Variants in TMX4 observed in about 807,000 individuals in gnomAD.
The protein encoded by TMX4 is thioredoxin related transmembrane protein 4.
TMX4 carries 23 observed loss-of-function variants against 33.3 expected under a neutral mutation model. The ratio of observed to expected loss-of-function variants is 0.69; its 90% confidence interval spans 0.50 to 0.98. The LOEUF (loss-of-function observed/expected upper bound fraction) is 0.98. TMX4 is among the 50% of genes least tolerant of loss of function. The pLI is 0.00. For synonymous variants in TMX4, 164 were observed against 161.5 expected (o/e 1.02, Z -0.12); for missense variants, 399 against 448.9 (o/e 0.89, Z 1.01).
intron 2 of TMX4, among the ~76,000 whole-genome samples, chr20:8,002,571 G>C (rs1379776880): frequency 1.3e-5 from 2 of 152,050 alleles, no homozygotes; most frequent in Non-Finnish European, 2.9e-5. Flanking sequence ...AATGACAGAG[G>C]CATCATTTTA....
intron 4 of TMX4, 102 bp from the exon 5 acceptor site, chr20:7,996,173 A>T: frequency 2.3e-6 from 2 of 860,558 alleles, no homozygotes. Context: ...ACTTCTTGCT[A>T]AATATTGCCC....
At chr20:8,011,052 ACAT>A (rs2050750893) in intron 1 of TMX4, among the ~76,000 whole-genome samples, 1 of 152,094 alleles carries the variant, frequency 6.6e-6, no homozygotes, top group Admixed American at 6.6e-5. Flanking sequence ...TGGGGGGCAA[ACAT>A]CATATTATTC....
At chr20:7,999,706 C>T (rs546277869) in intron 4 of TMX4, 26 bp downstream of exon 4, 6 of 1,604,602 alleles carry the variant, frequency 3.7e-6, no homozygotes, top group East Asian at 2.2e-5. Context: ...TTATTAGTAA[C>T]ACCTTGTCTT....
rs529734009 is a variant in TMX4 at position 7,982,738 on chromosome 20, G to A, written c.680-117C>T. 75 of 1,167,706 alleles carry A rather than the reference G, an allele frequency of 6.4e-5. 2 individuals carry two copies. In the South Asian group the frequency reaches 1.1e-3, roughly 17 times the overall value. 72.3% of individuals were successfully genotyped at this position (1,167,706 alleles called of 1,614,324 possible). ...GGTAAGTGACAGTTTTTTCTATCTTGAAACTATGGTCATATAGGACAGATT... is the reference window on the plus strand; with the variant it reads ...GGTAAGTGACAGTTTTTTCTATCTTAAAACTATGGTCATATAGGACAGATT... On this transcript the variant is annotated intron_variant, in intron 7 of 7. Coordinates refer to ENST00000246024, the MANE Select transcript of TMX4 (RefSeq NM_021156.4).
chr20:8,008,820 A>T (rs945771976), intron 2 of TMX4, among the ~76,000 whole-genome samples: 5 of 152,206 alleles, frequency 3.3e-5, no homozygotes, highest in Non-Finnish European at 7.4e-5. Flanking sequence ...AACAGCCAAA[A>T]CCATGAACTA....
intron 2 of TMX4, among the ~76,000 whole-genome samples, chr20:8,003,193 T>C (rs558663044): frequency 1.3e-5 from 2 of 152,318 alleles, no homozygotes; most frequent in African/African-American, 4.8e-5. Context: ...ATGAACAGCT[T>C]CATACATTAC....
At chr20:7,996,787 ACT>A (rs986038365) in intron 4 of TMX4, among the ~76,000 whole-genome samples, 5 of 151,786 alleles carry the variant, frequency 3.3e-5, no homozygotes, top group African/African-American at 9.7e-5. Flanking sequence ...AACATGCTCT[ACT>A]CTCTTTTACC....
intron 5 of TMX4, among the ~76,000 whole-genome samples, chr20:7,990,947 T>C (rs1237089426): frequency 1.3e-5 from 2 of 152,234 alleles, no homozygotes; most frequent in African/African-American, 2.4e-5. Flanking sequence ...ACTGTCTCAC[T>C]ATAACATTCT....
At position 7,979,358 on chromosome 20, in the gene TMX4, C is replaced by T. The variant is rs2050594869; in HGVS notation, c.*2893G>A. ...GGAAAATCAGGAAAAATGGTTCCCA[C>T]AGATATTTAAAGTTTTAATGGGTCC... On this transcript the variant is annotated 3_prime_UTR_variant, in exon 8 of 8. Coordinates refer to ENST00000246024, the MANE Select transcript of TMX4 (RefSeq NM_021156.4). 6.6e-6 allele frequency: 1 copy of T among 152,134 alleles called. No homozygotes were observed. The highest frequency in any genetic ancestry group is 2.4e-5 in the African/African-American group (1 of 41,410). The allele number at this position is 152,134 out of a possible 1,614,324, so 9.4% of individuals were successfully genotyped here.
chr20:7,994,974 T>G (rs1402411031), intron 5 of TMX4, among the ~76,000 whole-genome samples: 1 of 149,558 alleles, frequency 6.7e-6, no homozygotes, highest in Admixed American at 6.6e-5. Context: ...CAAAAAAAGT[T>G]AAATTTTAAC....
chr20:8,006,811 T>G (rs1351572962), intron 2 of TMX4, among the ~76,000 whole-genome samples: 2 of 150,424 alleles, frequency 1.3e-5, no homozygotes. Flanking sequence ...CAGCCTGGAG[T>G]GCAATAGCGC....
Position 7,977,816 on chromosome 20 carries a change from G to A in TMX4, c.*4435C>T, listed in dbSNP as rs2050586716. On this transcript the variant is annotated 3_prime_UTR_variant, in exon 8 of 8. Transcript: ENST00000246024. ...TAAACCACTTCAGAAACACGTCAAA[G>A]TTGTACGAGTCACACATATACAGTG... 1 of 152,200 alleles carries A rather than the reference G, an allele frequency of 6.6e-6. No individual in the cohort carries two copies. The highest frequency in any genetic ancestry group is 1.5e-5 in the Non-Finnish European group (1 of 68,034). The allele number at this position is 152,200 out of a possible 1,614,324, so 9.4% of individuals were successfully genotyped here. A position where few individuals can be genotyped will look rare whatever the true frequency, so the allele number is the denominator to read the frequency against.
rs2050638304 is a variant in TMX4 at position 7,988,095 on chromosome 20, T to C, written c.514-706A>G. ...ATTTACATGCTAAATCATAAAGAAA[T>C]TAACAGATATGAACTTGCTATTTCA... On this transcript the variant is annotated intron_variant, in intron 5 of 7. Coordinates refer to ENST00000246024, the MANE Select transcript of TMX4 (RefSeq NM_021156.4). Among the ~76,000 whole-genome samples, 3 of 152,132 alleles carry C rather than the reference T, an allele frequency of 2.0e-5. No individual in the cohort carries two copies. The East Asian group carries it at 5.8e-4, about 29-fold the overall frequency.
At chr20:8,001,195 G>T (rs1287995333) in intron 3 of TMX4, among the ~76,000 whole-genome samples, 1 of 152,264 alleles carries the variant, frequency 6.6e-6, no homozygotes, top group Non-Finnish European at 1.5e-5. Context: ...TAACTGGAAA[G>T]ACTTTCTCTA....
In TMX4 at chr20:7,981,178, T is replaced by C. The variant is rs1463583018; in HGVS notation, c.*1073A>G. On this transcript the variant is annotated 3_prime_UTR_variant, in exon 8 of 8. Transcript: ENST00000246024. ...GGAAACAAAATCAAATCTTTCACTT[T>C]CAGGTACTGGAGTTCATTAATTCTT... 6.6e-6 allele frequency: 1 copy of C among 152,166 alleles called. No individual in the cohort carries two copies. The highest frequency in any genetic ancestry group is 2.4e-5 in the African/African-American group (1 of 41,450). 9.4% of individuals were successfully genotyped at this position (152,166 alleles called of 1,614,324 possible). A position where few individuals can be genotyped will look rare whatever the true frequency, so the allele number is the denominator to read the frequency against.
At chr20:7,987,511 G>C in intron 5 of TMX4, 122 bp from the exon 6 acceptor site, 1 of 581,706 alleles carries the variant, frequency 1.7e-6, no homozygotes, top group South Asian at 3.3e-5. Flanking sequence ...GTATCTAAAT[G>C]ATTCTTAAAG....
At chr20:8,019,376 G>C (rs1256956945) in intron 1 of TMX4, 62 bp downstream of exon 1, 1 of 1,476,672 alleles carries the variant, frequency 6.8e-7, no homozygotes, top group Non-Finnish European at 9.0e-7. Context: ...CGGGCCGCGC[G>C]GGCTTGGGAG....
intron 1 of TMX4, chr20:8,018,671 G>C (rs969650322): frequency 5.9e-6 from 1 of 168,778 alleles, no homozygotes; most frequent in Non-Finnish European, 1.3e-5. Context: ...ACTCAAAACT[G>C]TAGTTTCCCA....
rs1052109568 is a variant in TMX4 at position 8,019,593 on chromosome 20, G to T, written c.21C>A (p.Gly7=). MAGGRC[G]PQLTALLAAW... Reference sequence around the variant, plus strand: ...CGGCCAGGAGCGCCGTTAGCTGCGGGCCGCAGCGCCCACCCGCCATGTTGG... The same window carrying T: ...CGGCCAGGAGCGCCGTTAGCTGCGGTCCGCAGCGCCCACCCGCCATGTTGG... The change falls in exon 1 of 8, where the codon GGC becomes GGA. Residue 7 remains glycine, a synonymous_variant. Coordinates refer to ENST00000246024, the MANE Select transcript of TMX4 (RefSeq NM_021156.4). 1 of 1,357,154 alleles carries T rather than the reference G, an allele frequency of 7.4e-7. No individual in the cohort carries two copies. 84.1% of individuals were successfully genotyped at this position (1,357,154 alleles called of 1,614,324 possible).
Sources: gnomAD v4.1 joint callset for allele counts (sites outside exome capture counted in the v4.1 genomes callset) on GRCh38, gnomAD v4.1.1 for gene constraint, MANE v1.5 for transcripts, NCBI Gene and HGNC (gene_info 2026-07-23, HGNC 2026-07-21) for gene names.